The following CAMSAP2 variants were observed in gnomAD, a reference collection of about 807,000 sequenced individuals.
The protein encoded by CAMSAP2 is calmodulin regulated spectrin associated protein family member 2.
In CAMSAP2, 26 loss-of-function variants were observed where a neutral mutation model predicts 146.1. That is an observed-to-expected ratio of 0.18 (90% CI 0.13 to 0.25). The LOEUF is 0.25. CAMSAP2 is among the 10% of genes least tolerant of loss of function. The probability of loss-of-function intolerance (pLI) is 1.00; values close to 1 mark genes in which losing one functional copy is unlikely to be tolerated. For synonymous variants in CAMSAP2, 499 were observed against 596.6 expected (o/e 0.84, Z 2.38); for missense variants, 1,381 against 1,759.3 (o/e 0.78, Z 3.85).
chr1:200,780,761 T>C (rs1227501227), intron 2 of CAMSAP2, among the ~76,000 whole-genome samples: 1 of 152,250 alleles, frequency 6.6e-6, no homozygotes, highest in East Asian at 1.9e-4. Context: ...TAGATATTTA[T>C]GTGCAAATCT....
intron 11 of CAMSAP2, among the ~76,000 whole-genome samples, chr1:200,851,348 G>A (rs921055110): frequency 1.9e-4 from 29 of 152,022 alleles, no homozygotes; most frequent in African/African-American, 6.0e-4. Context: ...TTACAGGCAT[G>A]CACCACAAAA....
intron 2 of CAMSAP2, among the ~76,000 whole-genome samples, chr1:200,798,677 T>C (rs570224505): frequency 2.8e-5 from 4 of 140,596 alleles, no homozygotes; most frequent in East Asian, 2.1e-4. Context: ...CCTGCCTAAT[T>C]GCCCTGGCCA....
chr1:200,824,631 C>T (rs894358893), intron 4 of CAMSAP2, among the ~76,000 whole-genome samples: 4 of 152,096 alleles, frequency 2.6e-5, no homozygotes, highest in Non-Finnish European at 5.9e-5. Context: ...TTTGCTCAGT[C>T]CTACAATACA....
chr1:200,823,561 A>G (rs1666827921), intron 4 of CAMSAP2, among the ~76,000 whole-genome samples: 1 of 152,182 alleles, frequency 6.6e-6, no homozygotes, highest in African/African-American at 2.4e-5. Context: ...TCATGGTTAG[A>G]CTGGAGTTAC....
intron 2 of CAMSAP2, among the ~76,000 whole-genome samples, chr1:200,783,866 T>C (rs1253426757): frequency 6.6e-6 from 1 of 152,198 alleles, no homozygotes; most frequent in East Asian, 1.9e-4. Context: ...TTTTCTTTTT[T>C]AGTTAGTGCT....
rs1667073924 is a variant in CAMSAP2 at position 200,832,653 on chromosome 1, AT to A, written c.788-50del. ...ACTAATTACAAGATGGATATGAAAT[AT>A]TTATTATCAAATTAATCCAAAGTCA... On this transcript the variant is annotated intron_variant, in intron 5 of 16. Transcript: ENST00000358823. The surrounding 1 kb of genome is among the most constrained non-coding windows in gnomAD (Gnocchi z 4.2). The A allele has an allele frequency of 1.4e-6, 2 of 1,425,398 alleles. No individual in the cohort carries two copies. The highest frequency in any genetic ancestry group is 1.9e-6 in the Non-Finnish European group (2 of 1,053,364). 88.3% of individuals were successfully genotyped at this position (1,425,398 alleles called of 1,614,324 possible).
At chr1:200,802,969 T>C (rs1279811475) in intron 2 of CAMSAP2, among the ~76,000 whole-genome samples, 1 of 152,188 alleles carries the variant, frequency 6.6e-6, no homozygotes. Flanking sequence ...GGATTCCACA[T>C]TCCCCAAATC....
intron 1 of CAMSAP2, among the ~76,000 whole-genome samples, chr1:200,754,732 G>A (rs1393400147): frequency 1.3e-5 from 2 of 151,806 alleles, no homozygotes; most frequent in East Asian, 1.9e-4. Flanking sequence ...ACAGGCACCC[G>A]CCACCAGGCC....
At chr1:200,817,190 A>ACATAAG (rs1553288792) in intron 4 of CAMSAP2, among the ~76,000 whole-genome samples, 1 of 77,378 alleles carries the variant, frequency 1.3e-5, no homozygotes, top group Non-Finnish European at 2.3e-5. Context: ...ACACACACAC[A>ACATAAG]TGTGTGTGTG....
intron 6 of CAMSAP2, among the ~76,000 whole-genome samples, chr1:200,833,299 G>A (rs1382055901): frequency 6.6e-6 from 1 of 152,106 alleles, no homozygotes; most frequent in Non-Finnish European, 1.5e-5. Context: ...AGTGACTCGT[G>A]CCTGTAATCC....
At chr1:200,743,121 T>C (rs1318376619) in intron 1 of CAMSAP2, among the ~76,000 whole-genome samples, 1 of 152,216 alleles carries the variant, frequency 6.6e-6, no homozygotes, top group Non-Finnish European at 1.5e-5. Context: ...TTTTCTATAT[T>C]TGAAGAGCTT....
intron 2 of CAMSAP2, among the ~76,000 whole-genome samples, chr1:200,798,957 T>C (rs1665962245): frequency 6.6e-6 from 1 of 152,048 alleles, no homozygotes; most frequent in African/African-American, 2.4e-5. Context: ...TCTGTTTATA[T>C]GCTGGATTAC....
chr1:200,843,839 GT>G (rs34081222), intron 7 of CAMSAP2, among the ~76,000 whole-genome samples: 47 of 148,018 alleles, frequency 3.2e-4, no homozygotes, highest in Admixed American at 4.7e-4. Flanking sequence ...ACTTATTTTT[GT>G]TTTTTTTTTG....
intron 7 of CAMSAP2, 83 bp downstream of exon 7, chr1:200,842,170 A>C: frequency 3.0e-6 from 3 of 993,446 alleles, no homozygotes; most frequent in Non-Finnish European, 4.7e-6. Flanking sequence ...TTACATTTTT[A>C]GAAATCAGCC....
chr1:200,795,000 G>C (rs963696555), intron 2 of CAMSAP2, among the ~76,000 whole-genome samples: 2 of 152,168 alleles, frequency 1.3e-5, no homozygotes, highest in African/African-American at 4.8e-5. Context: ...TTGAGGTATT[G>C]AAGCACAGAG....
At chr1:200,823,507 A>C (rs147472639) in intron 4 of CAMSAP2, among the ~76,000 whole-genome samples, 1 of 152,320 alleles carries the variant, frequency 6.6e-6, no homozygotes, top group Non-Finnish European at 1.5e-5. Flanking sequence ...AATATTTGTC[A>C]GGTGTTTTGT....
At chr1:200,753,807 C>T (rs1490820621) in intron 1 of CAMSAP2, among the ~76,000 whole-genome samples, 4 of 152,176 alleles carry the variant, frequency 2.6e-5, no homozygotes, top group Non-Finnish European at 5.9e-5. Flanking sequence ...TTGCTTGTCA[C>T]TGCCACTACC....
At chr1:200,805,259 T>C (rs571638610) in intron 2 of CAMSAP2, among the ~76,000 whole-genome samples, 1 of 152,354 alleles carries the variant, frequency 6.6e-6, no homozygotes, top group Admixed American at 6.5e-5. Flanking sequence ...AAGCTGGAAC[T>C]GCCACCTCCT....
In CAMSAP2 at chr1:200,774,307, G is replaced by GAA. The variant is rs200539713; in HGVS notation, c.399+13220_399+13221dup. The stretch of plus-strand genomic sequence containing the variant: ...ACTGCATAAATGAGCTTCTGTAATA[G>GAA]AAAAAAAAAAAATCTTTACAATGCT... On this transcript the variant is annotated intron_variant, in intron 2 of 16. Coordinates refer to ENST00000358823, the MANE Select transcript of CAMSAP2 (RefSeq NM_203459.4). Among the ~76,000 whole-genome samples, 83 of 146,240 alleles carry GAA rather than the reference G, an allele frequency of 5.7e-4. 1 individual carries two copies. The highest frequency in any genetic ancestry group is 7.0e-3 in the Middle Eastern group (2 of 286).
Sources: gnomAD v4.1 joint callset for allele counts (sites outside exome capture counted in the v4.1 genomes callset) on GRCh38, gnomAD v4.1.1 for gene constraint, Gnocchi (gnomAD v3.1) non-coding constraint, MANE v1.5 for transcripts, NCBI Gene and HGNC (gene_info 2026-07-23, HGNC 2026-07-21) for gene names.